WNK3: variants seen among roughly 807,000 people sequenced by gnomAD.
WNK3 encodes WNK lysine deficient protein kinase 3, also known as serine/threonine-protein kinase WNK3.
In WNK3, 18 loss-of-function variants were observed where a neutral mutation model predicts 116.7. The ratio of observed to expected loss-of-function variants is 0.15; its 90% CI spans 0.11 to 0.23. The LOEUF is 0.23. Ranked by LOEUF, WNK3 falls within the 10% of genes least tolerant of loss-of-function variation. The pLI is 1.00. For synonymous variants in WNK3, 404 were observed against 469.4 expected (o/e 0.86, Z 1.80); for missense variants, 993 against 1,323.8 (o/e 0.75, Z 3.88).
At chrX:54,272,608 T>C (rs1460290319) in intron 10 of WNK3, among the ~76,000 whole-genome samples, 2 of 111,997 alleles carry the variant, frequency 1.8e-5, no homozygotes, top group African/African-American at 3.2e-5. Flanking sequence ...GGCCCATGGA[T>C]ATTTCTGAAC....
At chrX:54,284,583 G>A (rs2068558263) in intron 10 of WNK3, among the ~76,000 whole-genome samples, 1 of 111,148 alleles carries the variant, frequency 9.0e-6, no homozygotes, top group South Asian at 3.7e-4. Flanking sequence ...ATTCACAATA[G>A]CCCAAAACCA....
intron 22 of WNK3, among the ~76,000 whole-genome samples, chrX:54,204,533 A>G (rs782133849): frequency 1.1e-3 from 123 of 112,602 alleles, no homozygotes; most frequent in African/African-American, 4.0e-3. Context: ...GGCAACCATG[A>G]TATATCAAAA....
chrX:54,209,876 C>G (rs1354392146), intron 22 of WNK3, among the ~76,000 whole-genome samples: 1 of 110,985 alleles, frequency 9.0e-6, no homozygotes, highest in Non-Finnish European at 1.9e-5. Context: ...AAATGGGTTC[C>G]CTGGTAAAAT....
rs782746924 is a variant in WNK3, at chrX:54,275,413, A to ATGTGTGTGTGTGTGTG, written c.2038-16076_2038-16075insCACACACACACACACA. Among the ~76,000 whole-genome samples, 73 of 58,344 alleles carry ATGTGTGTGTGTGTGTG rather than the reference A, an allele frequency of 1.3e-3. 2 individuals are homozygous for ATGTGTGTGTGTGTGTG. Among genetic ancestry groups the ATGTGTGTGTGTGTGTG allele is most frequent in the African/African-American group, 4.2e-3 (68 of 16,196 alleles). 50.7% of individuals were successfully genotyped at this position (58,344 alleles called of 115,157 possible). A position where few individuals can be genotyped will look rare whatever the true frequency, so the allele number is the denominator to read the frequency against. ...GTCGGTATCTGTAGGGTATAAGTTC[A>ATGTGTGTGTGTGTGTG]TATGTGTGTGTGTGTGTGTGTGTGT... On this transcript the variant is annotated intron_variant, in intron 10 of 23. Coordinates refer to ENST00000354646, the Ensembl canonical transcript of WNK3.
intron 2 of WNK3, among the ~76,000 whole-genome samples, chrX:54,318,445 G>GT (rs1285105886): frequency 9.1e-6 from 1 of 110,451 alleles, no homozygotes; most frequent in South Asian, 3.9e-4. Context: ...GAAAGTTAAG[G>GT]AAGTCAGCAG....
intron 1 of WNK3, among the ~76,000 whole-genome samples, chrX:54,344,964 T>C (rs1438813759): frequency 1.2e-5 from 1 of 85,933 alleles, no homozygotes; most frequent in East Asian, 3.9e-4. Flanking sequence ...AAAAAAAATT[T>C]TGAGGCCGGG....
At chrX:54,327,014 C>T (rs1018677407) in intron 2 of WNK3, among the ~76,000 whole-genome samples, 2 of 111,035 alleles carry the variant, frequency 1.8e-5, no homozygotes, top group Admixed American at 1.9e-4. Flanking sequence ...CTACAACATG[C>T]CATTGCATTC....
chrX:54,265,262 G>C (rs1005414740), intron 10 of WNK3, among the ~76,000 whole-genome samples: 1 of 111,068 alleles, frequency 9.0e-6, no homozygotes, highest in African/African-American at 3.3e-5. Flanking sequence ...TGAGGCAGGC[G>C]AATCATTTGA....
chrX:54,348,019 TAA>T (rs2069460341), intron 1 of WNK3, among the ~76,000 whole-genome samples: 1 of 110,860 alleles, frequency 9.0e-6, no homozygotes, highest in Non-Finnish European at 1.9e-5. Context: ...CATAGTAACT[TAA>T]GATACATGTT....
At chrX:54,232,917 C>T in exon 21 of WNK3, 1 of 1,211,074 alleles carries the variant, frequency 8.3e-7, no homozygotes, top group Non-Finnish European at 1.1e-6. Context: ...AAAGGAATCT[C>T]AGTAGATTGG....
intron 22 of WNK3, among the ~76,000 whole-genome samples, chrX:54,213,560 A>AAAAAAAAAAAAAAAAAAC (rs2067645095): frequency 1.0e-5 from 1 of 99,165 alleles, no homozygotes; most frequent in Non-Finnish European, 2.0e-5. Flanking sequence ...TCTCAAAAAA[A>AAAAAAAAAAAAAAAAAAC]AAAACAAACA....
At chrX:54,312,147 G>A (rs912097548) in intron 2 of WNK3, among the ~76,000 whole-genome samples, 1 of 109,176 alleles carries the variant, frequency 9.2e-6, no homozygotes, top group Non-Finnish European at 1.9e-5. Flanking sequence ...TGAGACCCCC[G>A]TCTCTACAAA....
exon 24 of WNK3, chrX:54,198,205 T>G (rs2067463930): frequency 1.5e-6 from 1 of 647,644 alleles, no homozygotes; most frequent in East Asian, 3.7e-5. Context: ...ATATATAGTC[T>G]AAAGTAAACT....
intron 22 of WNK3, among the ~76,000 whole-genome samples, chrX:54,210,491 G>A (rs1373483588): frequency 1.8e-5 from 2 of 111,222 alleles, no homozygotes; most frequent in Non-Finnish European, 3.8e-5. Context: ...GCCAGGCACA[G>A]TGGCACACGC....
chrX:54,280,659 C>A (rs2068505963), intron 10 of WNK3, among the ~76,000 whole-genome samples: 3 of 111,905 alleles, frequency 2.7e-5, no homozygotes, highest in African/African-American at 9.7e-5. Flanking sequence ...GGCCATTTTC[C>A]TAGGCGAACT....
At chrX:54,252,656 C>T (rs988740304) in intron 13 of WNK3, among the ~76,000 whole-genome samples, 1 of 91,936 alleles carries the variant, frequency 1.1e-5, no homozygotes, top group Non-Finnish European at 2.1e-5. Flanking sequence ...GGCAATAGAG[C>T]GAGACTCTGT....
At chrX:54,254,374 A>G (rs782456944) in intron 12 of WNK3, among the ~76,000 whole-genome samples, 1 of 112,537 alleles carries the variant, frequency 8.9e-6, no homozygotes, top group Non-Finnish European at 1.9e-5. Flanking sequence ...CAATGCAAAG[A>G]TTTAAATTTA....
At chrX:54,219,069 AAAT>A (rs1482079822) in intron 22 of WNK3, among the ~76,000 whole-genome samples, 2 of 111,929 alleles carry the variant, frequency 1.8e-5, no homozygotes, top group Non-Finnish European at 3.8e-5. Flanking sequence ...ATATCAGAAT[AAAT>A]AATAACTCCA....
At chrX:54,308,894 C>T (rs2068855826) in intron 4 of WNK3, among the ~76,000 whole-genome samples, 1 of 112,005 alleles carries the variant, frequency 8.9e-6, no homozygotes, top group East Asian at 2.8e-4. Context: ...CTACTCAACT[C>T]TGTCACTTGT....
Sources: gnomAD v4.1 joint callset for allele counts (sites outside exome capture counted in the v4.1 genomes callset) on GRCh38, gnomAD v4.1.1 for gene constraint, MANE v1.5 for transcripts, NCBI Gene and HGNC (gene_info 2026-07-23, HGNC 2026-07-21) for gene names.